DIAPH2: variants seen among roughly 807,000 people sequenced by gnomAD.
DIAPH2 encodes protein diaphanous homolog 2.
DIAPH2 carries 35 observed loss-of-function variants against 92.7 expected under a neutral mutation model. That is an observed-to-expected ratio of 0.38 (90% CI 0.29 to 0.50). DIAPH2 has a LOEUF of 0.50. DIAPH2 is among the 20% of genes least tolerant of loss of function. The pLI is 0.94. For missense variants in DIAPH2, 701 were observed against 819.5 expected, an observed-to-expected ratio of 0.86 and a Z score of 1.77; for synonymous variants, 301 against 280.4, an observed-to-expected ratio of 1.07 and a Z score of -0.73.
At chrX:96,726,382 C>T (rs776644848) in intron 1 of DIAPH2, among the ~76,000 whole-genome samples, 134 of 111,849 alleles carry the variant, frequency 1.2e-3, no homozygotes, top group African/African-American at 4.2e-3. Flanking sequence ...TACAGTATTG[C>T]ACAGAAGACT....
At chrX:97,457,307 G>A (rs1382832759) in intron 26 of DIAPH2, among the ~76,000 whole-genome samples, 6 of 112,388 alleles carry the variant, frequency 5.3e-5, no homozygotes, top group South Asian at 7.4e-4. Flanking sequence ...GAGCCACCAC[G>A]CCCAGCCAAT....
chrX:97,058,844 G>A (rs941825507), intron 17 of DIAPH2, among the ~76,000 whole-genome samples: 3 of 111,678 alleles, frequency 2.7e-5, no homozygotes, highest in African/African-American at 6.5e-5. Context: ...AAGTTGTACC[G>A]TGAATGTTCT....
chrX:97,315,484 G>A (rs1227721400), intron 23 of DIAPH2, among the ~76,000 whole-genome samples: 1 of 111,527 alleles, frequency 9.0e-6, no homozygotes, highest in Non-Finnish European at 1.9e-5. Context: ...TGCATCAGAG[G>A]TTGCTGATGG....
chrX:96,792,029 A>G (rs2064505742), intron 4 of DIAPH2, among the ~76,000 whole-genome samples: 1 of 111,252 alleles, frequency 9.0e-6, no homozygotes, highest in East Asian at 2.8e-4. Context: ...CCCAGTCTCT[A>G]CAGGGAAACA....
At chrX:97,439,762 CG>C (rs1353816105) in intron 26 of DIAPH2, among the ~76,000 whole-genome samples, 3 of 49,434 alleles carry the variant, frequency 6.1e-5, no homozygotes, top group African/African-American at 9.3e-5. Context: ...AAAAGAGGGG[CG>C]GGGGGTGGGT....
rs759589098 is a variant in DIAPH2, at chrX:97,583,871, C to T, written c.3242-15382C>T. On this transcript the variant is annotated intron_variant, in intron 26 of 26. Transcript: ENST00000324765. ...CCGAGCCAGGTGCGGGATATAATCT[C>T]GTGGTGCGCCATTTTTTAAGCCCTT... Among the ~76,000 whole-genome samples the T allele has an allele frequency of 9.8e-5, 11 of 112,534 alleles. No individual in the cohort carries two copies. The East Asian group carries it at 2.3e-3, about 23-fold the overall frequency.
At chrX:96,993,477 G>A (rs1252183035) in intron 17 of DIAPH2, among the ~76,000 whole-genome samples, 2 of 111,974 alleles carry the variant, frequency 1.8e-5, no homozygotes, top group African/African-American at 6.5e-5. Flanking sequence ...CATGGCAGAA[G>A]GCACAGTGGA....
chrX:97,575,836 T>C (rs1261403102), intron 26 of DIAPH2, among the ~76,000 whole-genome samples: 1 of 111,774 alleles, frequency 8.9e-6, no homozygotes, highest in Non-Finnish European at 1.9e-5. Flanking sequence ...ATGGAAAGTA[T>C]AGAGTTAAAA....
rs1282246005 is a variant in DIAPH2 at position 97,097,570 on chromosome X, C to G, written c.2248-2124C>G. On this transcript the variant is annotated intron_variant, in intron 19 of 26. Transcript: ENST00000324765. ...AATAACAAAAGTTTCACATTCCAAG[C>G]TAAAATTATATTTTAGGCTTGATTC... Among the ~76,000 whole-genome samples, 6 of 112,013 alleles carry G rather than the reference C, an allele frequency of 5.4e-5. No individual in the cohort carries two copies. The East Asian group carries it at 1.7e-3, about 31-fold the overall frequency.
intron 23 of DIAPH2, among the ~76,000 whole-genome samples, chrX:97,273,431 G>A (rs1410367648): frequency 1.2e-4 from 13 of 111,516 alleles, no homozygotes; most frequent in Non-Finnish European, 1.9e-5. Flanking sequence ...CTGTATTTAG[G>A]CATGATAAAT....
intron 26 of DIAPH2, among the ~76,000 whole-genome samples, chrX:97,561,229 G>A (rs2071291908): frequency 8.9e-6 from 1 of 112,091 alleles, no homozygotes; most frequent in Admixed American, 9.4e-5. Context: ...GTTTTGCTTT[G>A]AAAGAAAAAT....
chrX:97,363,385 A>G (rs1430572430), intron 24 of DIAPH2, among the ~76,000 whole-genome samples: 1 of 110,506 alleles, frequency 9.0e-6, no homozygotes, highest in African/African-American at 3.3e-5. Context: ...GGCCAGGCGC[A>G]GTGGCTCACG....
intron 17 of DIAPH2, among the ~76,000 whole-genome samples, chrX:97,063,969 G>A (rs1321519748): frequency 1.8e-5 from 2 of 111,956 alleles, no homozygotes; most frequent in Non-Finnish European, 3.8e-5. Context: ...GCAGAGTTGA[G>A]TTGTTGCAAC....
chrX:97,274,006 GGTGTGT>G (rs55778849), intron 23 of DIAPH2, among the ~76,000 whole-genome samples: 6,585 of 86,516 alleles, frequency 0.076, 228 homozygotes, highest in Non-Finnish European at 0.091. Flanking sequence ...TAAAACTAGC[GGTGTGT>G]GTGTGTGTGT....
chrX:96,797,781 G>A (rs961372893), intron 4 of DIAPH2, among the ~76,000 whole-genome samples: 3 of 112,704 alleles, frequency 2.7e-5, no homozygotes, highest in African/African-American at 9.7e-5. Flanking sequence ...TTGATAAGAA[G>A]TCACCAATCA....
At chrX:97,380,604 A>G (rs969832249) in intron 24 of DIAPH2, among the ~76,000 whole-genome samples, 1 of 111,811 alleles carries the variant, frequency 8.9e-6, no homozygotes, top group Non-Finnish European at 1.9e-5. Flanking sequence ...CAGCTTTTAC[A>G]TTTTTAGAAG....
intron 22 of DIAPH2, among the ~76,000 whole-genome samples, chrX:97,203,840 A>G (rs1266305553): frequency 8.9e-6 from 1 of 111,879 alleles, no homozygotes; most frequent in Non-Finnish European, 1.9e-5. Flanking sequence ...CACGATCCTG[A>G]TACCAAAATG....
chrX:97,492,760 C>G (rs2070733118), intron 26 of DIAPH2, among the ~76,000 whole-genome samples: 1 of 111,997 alleles, frequency 8.9e-6, no homozygotes, highest in Non-Finnish European at 1.9e-5. Flanking sequence ...AAGAAATCCA[C>G]TGATAGTCTT....
chrX:96,913,907 C>T (rs1285711092), intron 7 of DIAPH2, among the ~76,000 whole-genome samples: 1 of 110,132 alleles, frequency 9.1e-6, no homozygotes, highest in Non-Finnish European at 1.9e-5. Flanking sequence ...GAAATGACCT[C>T]TTCATACCTA....
Sources: gnomAD v4.1 joint callset for allele counts (sites outside exome capture counted in the v4.1 genomes callset) on GRCh38, gnomAD v4.1.1 for gene constraint, MANE v1.5 for transcripts, NCBI Gene and HGNC (gene_info 2026-07-23, HGNC 2026-07-21) for gene names.